Variants in DNAJC18 observed in about 807,000 individuals in gnomAD.
DNAJC18 encodes dnaJ homolog subfamily C member 18.
In DNAJC18, 40 loss-of-function variants were observed where a neutral mutation model predicts 48.6. The observed-to-expected ratio is 0.82, with a 90% CI of 0.64 to 1.07. The LOEUF (loss-of-function observed/expected upper bound fraction) is 1.07. Among genes scored for constraint, DNAJC18 ranks in the 50% least tolerant of loss-of-function variants. The pLI is 0.00. For synonymous variants in DNAJC18, 135 were observed against 152.2 expected, an observed-to-expected ratio of 0.89 and a Z score of 0.83; for missense variants, 340 against 427.7, an observed-to-expected ratio of 0.79 and a Z score of 1.81.
At chr5:139,422,677 A>G in intron 6 of DNAJC18, 31 bp downstream of exon 6, 1 of 1,496,546 alleles carries the variant, frequency 6.7e-7, no homozygotes, top group Non-Finnish European at 9.2e-7. Flanking sequence ...CCAGACTGTT[A>G]CTGAGAAAGA....
At chr5:139,431,626 C>A (rs1759331263) in intron 2 of DNAJC18, among the ~76,000 whole-genome samples, 1 of 152,102 alleles carries the variant, frequency 6.6e-6, no homozygotes, top group South Asian at 2.1e-4. Flanking sequence ...GGTTGTTTCC[C>A]CTTTGGGGTC....
At position 139,426,294 on chromosome 5, in the gene DNAJC18, CCGTATT is replaced by C. The variant is rs758607227; in HGVS notation, c.431_436del (p.Glu144_Tyr145del). On this transcript the variant is annotated inframe_deletion, in exon 4 of 8. Coordinates refer to ENST00000302060, the MANE Select transcript of DNAJC18 (RefSeq NM_152686.4). ...GGCAGTGAAAGTCACCTGTTCATCT[CCGTATT>C]CATCATAGCGAAGTCTCTTATCAGG... 12 of 1,614,054 alleles carry C rather than the reference CCGTATT, an allele frequency of 7.4e-6. No individual in the cohort carries two copies. The African/African-American group carries it at 1.6e-4, about 22-fold the overall frequency.
At chr5:139,417,187 C>CAA (rs57657416) in intron 7 of DNAJC18, among the ~76,000 whole-genome samples, 10 of 109,598 alleles carry the variant, frequency 9.1e-5, no homozygotes, top group East Asian at 8.8e-4. Context: ...GAGACTCTGT[C>CAA]AAAAAAAAAA....
chr5:139,419,851 G>C (rs932749608), intron 7 of DNAJC18, among the ~76,000 whole-genome samples: 2 of 152,162 alleles, frequency 1.3e-5, no homozygotes, highest in Non-Finnish European at 2.9e-5. Flanking sequence ...AAATTCCTAA[G>C]ATTTCCAAGT....
rs921788204 is a variant in DNAJC18, at chr5:139,420,307, A to G, written c.780-82T>C. On this transcript the variant is annotated intron_variant, in intron 6 of 7. Transcript: ENST00000302060. ...TAGCACTGCCCTCACAGATATCATC[A>G]TCATCATCTGCTCATAGAGCAGAGG... The G allele has an allele frequency of 3.0e-6, 4 of 1,333,360 alleles. No individual in the cohort carries two copies. The African/African-American group carries it at 4.6e-5, about 15-fold the overall frequency. 82.6% of individuals were successfully genotyped at this position (1,333,360 alleles called of 1,614,324 possible).
chr5:139,436,836 C>T (rs546332998), intron 2 of DNAJC18, among the ~76,000 whole-genome samples: 1 of 152,222 alleles, frequency 6.6e-6, no homozygotes, highest in South Asian at 2.1e-4. Context: ...GCATCCTATA[C>T]ATTTTAGTAC....
chr5:139,412,652 A>G lies in DNAJC18; in HGVS notation c.*1496T>C, dbSNP rs1402160995. ...TGATCCTTCCAAGTTCAGAGTCATG[A>G]TAATTCAGGCAGCTCAGCTCCACAG... is the stretch of plus-strand genomic sequence containing the variant. On this transcript the variant is annotated 3_prime_UTR_variant, in exon 8 of 8. Transcript: ENST00000302060. The G allele has an allele frequency of 5.0e-6, 2 of 398,572 alleles. No individual in the cohort carries two copies. Among genetic ancestry groups the G allele is most frequent in the Non-Finnish European group, 8.8e-6 (2 of 226,122 alleles). 24.7% of individuals were successfully genotyped at this position (398,572 alleles called of 1,614,324 possible). A position where few individuals can be genotyped will look rare whatever the true frequency, so the allele number is the denominator to read the frequency against.
At chr5:139,435,383 T>C (rs762637703) in intron 2 of DNAJC18, among the ~76,000 whole-genome samples, 8 of 152,256 alleles carry the variant, frequency 5.3e-5, no homozygotes, top group Non-Finnish European at 1.0e-4. Flanking sequence ...TTTTGTTAAA[T>C]GCTTTTTCTG....
In DNAJC18 at chr5:139,414,081, A is replaced by G; in HGVS notation, c.*67T>C. 1 of 1,569,724 alleles carries G rather than the reference A, an allele frequency of 6.4e-7. No individual in the cohort carries two copies. ...ATCATTACCTAGTTTTGTATTATAA[A>G]ATGGAATCAGGAACATAAATAGGAA... is the stretch of plus-strand genomic sequence containing the variant. On this transcript the variant is annotated 3_prime_UTR_variant, in exon 8 of 8. Transcript: ENST00000302060.
At chr5:139,419,022 T>A in intron 7 of DNAJC18, 1 of 412,960 alleles carries the variant, frequency 2.4e-6, no homozygotes, top group South Asian at 1.8e-5. Flanking sequence ...GAGTGTGTGA[T>A]GGTCAATGAG....
At chr5:139,430,432 T>C (rs1759310601) in intron 2 of DNAJC18, among the ~76,000 whole-genome samples, 1 of 152,216 alleles carries the variant, frequency 6.6e-6, no homozygotes, top group South Asian at 2.1e-4. Context: ...TTGATTTTGC[T>C]GTGTACTTAA....
At chr5:139,425,201 T>C in intron 4 of DNAJC18, 87 bp from the exon 5 acceptor site, 1 of 1,134,734 alleles carries the variant, frequency 8.8e-7, no homozygotes. Context: ...TTTTGCTCTG[T>C]TACCCAGACT....
At chr5:139,434,173 G>A (rs1162250356) in intron 2 of DNAJC18, among the ~76,000 whole-genome samples, 1 of 152,108 alleles carries the variant, frequency 6.6e-6, no homozygotes, top group African/African-American at 2.4e-5. Flanking sequence ...TTACAGATGT[G>A]AGCCACTTTT....
intron 2 of DNAJC18, among the ~76,000 whole-genome samples, chr5:139,431,258 T>C (rs2152084648): frequency 1.3e-5 from 2 of 152,320 alleles, no homozygotes; most frequent in East Asian, 3.9e-4. Context: ...TACAATTCAT[T>C]AGTTTTTAAA....
intron 7 of DNAJC18, among the ~76,000 whole-genome samples, chr5:139,415,370 A>G (rs1759056247): frequency 6.6e-6 from 1 of 152,214 alleles, no homozygotes; most frequent in Non-Finnish European, 1.5e-5. Context: ...TTCTGTGCAC[A>G]ATGATGCTAT....
intron 2 of DNAJC18, among the ~76,000 whole-genome samples, chr5:139,433,399 G>A (rs1191898479): frequency 2.0e-5 from 3 of 150,754 alleles, no homozygotes; most frequent in Non-Finnish European, 2.9e-5. Flanking sequence ...AGCCAAGATC[G>A]TGCCACTGCA....
intron 7 of DNAJC18, among the ~76,000 whole-genome samples, chr5:139,415,794 AC>A: frequency 6.6e-6 from 1 of 152,322 alleles, no homozygotes; most frequent in East Asian, 1.9e-4. Flanking sequence ...TCACAGTTAC[AC>A]CAGTATTGAA....
Position 139,422,820 on chromosome 5 carries a change from GA to G in DNAJC18, c.670-4del. On this transcript the variant is annotated splice_region_variant and splice_polypyrimidine_tract_variant and intron_variant, in intron 5 of 7. Coordinates refer to ENST00000302060, the MANE Select transcript of DNAJC18 (RefSeq NM_152686.4). ...TGAATAAATGCAGAATATGTAGTCT[GA>G]AAAAGAAAAAAAAATAAAAACTTGC... The G allele has an allele frequency of 1.9e-6, 3 of 1,546,908 alleles. No individual in the cohort carries two copies. The highest frequency in any genetic ancestry group is 2.6e-6 in the Non-Finnish European group (3 of 1,151,044).
At chr5:139,429,552 C>G (rs1205657827) in intron 2 of DNAJC18, among the ~76,000 whole-genome samples, 1 of 152,150 alleles carries the variant, frequency 6.6e-6, no homozygotes, top group Non-Finnish European at 1.5e-5. Context: ...ACAGAGAGTA[C>G]AGGTATAGTC....
Sources: allele counts gnomAD v4.1 joint callset (sites outside exome capture counted in the v4.1 genomes callset), GRCh38; gene constraint gnomAD v4.1.1; transcripts MANE v1.5; gene names NCBI Gene and HGNC (gene_info 2026-07-23, HGNC 2026-07-21).